Variants in EGFL8 observed in about 807,000 individuals in gnomAD.
The protein encoded by EGFL8 is EGF like domain multiple 8.
EGFL8 carries 32 observed loss-of-function variants against 39.4 expected under a neutral mutation model. The ratio of observed to expected loss-of-function variants is 0.81; its 90% CI spans 0.61 to 1.09. The LOEUF is 1.09. Ranked by LOEUF, EGFL8 falls within the 50% of genes least tolerant of loss-of-function variation. The probability of loss-of-function intolerance (pLI) is 0.00; values close to 1 mark genes in which losing one functional copy is unlikely to be tolerated. For synonymous variants in EGFL8, 177 were observed against 168.5 expected (o/e 1.05, Z -0.39); for missense variants, 385 against 402.2 (o/e 0.96, Z 0.37).
rs1356697165 is a variant in EGFL8 at position 32,167,281 on chromosome 6, ACCCGAGGGACTCG to A, written c.601+25_601+37del. The A allele has an allele frequency of 1.4e-6, 2 of 1,430,808 alleles. No homozygotes were observed. The highest frequency in any genetic ancestry group is 1.7e-5 in the African/African-American group (1 of 60,550). The allele number at this position is 1,430,808 out of a possible 1,614,324, so 88.6% of individuals were successfully genotyped here. A position where few individuals can be genotyped will look rare whatever the true frequency, so the allele number is the denominator to read the frequency against. On this transcript the variant is annotated intron_variant, in intron 6 of 8. Coordinates refer to ENST00000333845, the MANE Select transcript of EGFL8 (RefSeq NM_030652.4). The surrounding 1 kb of genome is among the most constrained non-coding windows in gnomAD (Gnocchi z 6.4). ...CGGTGAGTGGGCAGGAGTACGGGCC[ACCCGAGGGACTCG>A]GGACGGGCGTCCGGGCTCGGGTAGT... is the stretch of plus-strand genomic sequence containing the variant.
In EGFL8 at chr6:32,166,494, G is replaced by A. The variant is rs567711648; in HGVS notation, c.102-4G>A. 5.0e-6 allele frequency: 8 copies of A among 1,613,466 alleles called. No homozygotes were observed. Among genetic ancestry groups the A allele is most frequent in the East Asian group, 4.5e-5 (2 of 44,880 alleles). On this transcript the variant is annotated splice_polypyrimidine_tract_variant and splice_region_variant and intron_variant, in intron 2 of 8. Coordinates refer to ENST00000333845, the MANE Select transcript of EGFL8 (RefSeq NM_030652.4). This position sits in a 1 kb window ranked among gnomAD's most constrained non-coding sequence, Gnocchi z 7.3. Reference sequence around the variant, plus strand: ...TCCCACCTCATCCTCTGGCATGGACGCAGTCAGGGAGTCTGCTCCAAGCAG... The same window carrying A: ...TCCCACCTCATCCTCTGGCATGGACACAGTCAGGGAGTCTGCTCCAAGCAG...
rs1784584779 is a variant in EGFL8, at chr6:32,167,178, A to G, written c.522A>G (p.Leu174=). Residue 174 remains leucine, a synonymous_variant, in exon 6 of 9, where the codon CTA becomes CTG. Transcript: ENST00000333845. This position sits in a 1 kb window ranked among gnomAD's most constrained non-coding sequence, Gnocchi z 6.4. ...GSFTCGCPHD[L]VLGVDGRTCM... ...TCACCTGCGGCTGCCCCCATGACCT[A>G]GTGCTAGGCGTGGACGGGCGCACCT... 1 of 1,612,868 alleles carries G rather than the reference A, an allele frequency of 6.2e-7. No individual in the cohort carries two copies. Among genetic ancestry groups the G allele is most frequent in the Non-Finnish European group, 8.5e-7 (1 of 1,180,042 alleles).
At position 32,167,201 on chromosome 6, in the gene EGFL8, C is replaced by T. The variant is rs1300197362; in HGVS notation, c.545C>T (p.Thr182Ile). The T allele has an allele frequency of 1.2e-6, 2 of 1,612,984 alleles. No homozygotes were observed. The highest frequency in any genetic ancestry group is 1.7e-6 in the Non-Finnish European group (2 of 1,180,000). The change falls in exon 6 of 9, where the codon ACC becomes ATC. Residue 182 changes from threonine (T) to isoleucine (I), a missense_variant. Physicochemically the swap from Thr to Ile is moderately conservative, Grantham distance 89 (BLOSUM62 -1). Coordinates refer to ENST00000333845, the MANE Select transcript of EGFL8 (RefSeq NM_030652.4). This position sits in a 1 kb window ranked among gnomAD's most constrained non-coding sequence, Gnocchi z 6.4. ...CTAGTGCTAGGCGTGGACGGGCGCA[C>T]CTGCATGGAGGGGTCCCCAGAGCCC... Reference protein sequence around the residue: ...HDLVLGVDGRTCMEGSPEPPT... With the variant: ...HDLVLGVDGRICMEGSPEPPT...
Position 32,167,577 on chromosome 6 carries a change from G to A in EGFL8, c.756G>A (p.Val252=). ...VPPEELQPEQ[V]AELWGRGDRI... is the part of the protein sequence containing the mutation. ...CTGAAGAGCTGCAGCCAGAACAGGT[G>A]GCTGAGCTGTGGGGCCGGGGTGACC... Residue 252 remains valine, a synonymous_variant, in exon 8 of 9, where the codon GTG becomes GTA. Coordinates refer to ENST00000333845, the MANE Select transcript of EGFL8 (RefSeq NM_030652.4). This position sits in a 1 kb window ranked among gnomAD's most constrained non-coding sequence, Gnocchi z 6.4. The A allele has an allele frequency of 6.2e-7, 1 of 1,610,832 alleles. No homozygotes were observed. The highest frequency in any genetic ancestry group is 8.5e-7 in the Non-Finnish European group (1 of 1,179,958).
chr6:32,166,146 G>C lies in EGFL8; in HGVS notation c.-20G>C. ...CCTTTTCTTGCCTGCAGCCTGTAGG[G>C]TCCAGCGTCAAAGCGAATCATGGGG... On this transcript the variant is annotated 5_prime_UTR_variant, in exon 2 of 9. Coordinates refer to ENST00000333845, the MANE Select transcript of EGFL8 (RefSeq NM_030652.4). The surrounding 1 kb of genome is among the most constrained non-coding windows in gnomAD (Gnocchi z 7.3). 1.2e-6 allele frequency: 2 copies of C among 1,613,588 alleles called. No homozygotes were observed. The highest frequency in any genetic ancestry group is 1.7e-6 in the Non-Finnish European group (2 of 1,179,546).
At chr6:32,165,229 T>C (rs1418334975) in intron 1 of EGFL8, 1 of 147,798 alleles carries the variant, frequency 6.8e-6, no homozygotes, top group Non-Finnish European at 1.5e-5. Flanking sequence ...GTTTTGAAGG[T>C]ATGAAGTTAT....
Position 32,167,049 on chromosome 6 carries a change from G to A in EGFL8, c.431-38G>A, listed in dbSNP as rs376719026. On this transcript the variant is annotated intron_variant, in intron 5 of 8. Transcript: ENST00000333845. The surrounding 1 kb of genome is among the most constrained non-coding windows in gnomAD (Gnocchi z 6.4). The stretch of plus-strand genomic sequence containing the variant: ...CCCACCTACCCAGGTGCTTGCCCCC[G>A]CCCCCTCTCTCAGCCCCTTCCTTTT... 12 of 1,612,500 alleles carry A rather than the reference G, an allele frequency of 7.4e-6. No homozygotes were observed. The highest frequency in any genetic ancestry group is 1.6e-4 in the Middle Eastern group (1 of 6,082).
Position 32,167,138 on chromosome 6 carries a change from A to AT in EGFL8, c.483dup (p.Thr162TyrfsTer12). On this transcript the variant is annotated frameshift_variant, in exon 6 of 9. Transcript: ENST00000333845. LOFTEE classifies it high-confidence loss of function. This position sits in a 1 kb window ranked among gnomAD's most constrained non-coding sequence, Gnocchi z 6.4. Reference sequence around the variant, plus strand: ...ACCCTCTGCTCGCACCATTGTTTTAATACGGCAGGCAGCTTCACCTGCGGC... The same window carrying AT: ...ACCCTCTGCTCGCACCATTGTTTTAATTACGGCAGGCAGCTTCACCTGCGGC... The AT allele has an allele frequency of 6.2e-7, 1 of 1,613,062 alleles. No individual in the cohort carries two copies. The highest frequency in any genetic ancestry group is 1.3e-5 in the African/African-American group (1 of 75,048).
At position 32,166,657 on chromosome 6, in the gene EGFL8, C is replaced by T. The variant is rs1260951391; in HGVS notation, c.224+37C>T. 2 of 1,614,054 alleles carry T rather than the reference C, an allele frequency of 1.2e-6. No homozygotes were observed. The highest frequency in any genetic ancestry group is 1.7e-6 in the Non-Finnish European group (2 of 1,180,008). On this transcript the variant is annotated intron_variant, in intron 3 of 8. Transcript: ENST00000333845. This position sits in a 1 kb window ranked among gnomAD's most constrained non-coding sequence, Gnocchi z 7.3. ...GGAGATGGGACCCCAAGAACCCCAACTAGGACCCGTACTCAGGGTCCTGAG... is the reference window on the plus strand; with the variant it reads ...GGAGATGGGACCCCAAGAACCCCAATTAGGACCCGTACTCAGGGTCCTGAG...
chr6:32,166,366 ATGGGGGT>A lies in EGFL8; in HGVS notation c.101+101_101+107del, dbSNP rs72289190. ...GGCAAAACATAACTGTAAGTTTAGA[ATGGGGGT>A]GAGAGGCTGTCATCTGGAGGGAGAG... is the stretch of plus-strand genomic sequence containing the variant. On this transcript the variant is annotated intron_variant, in intron 2 of 8. Transcript: ENST00000333845. The surrounding 1 kb of genome is among the most constrained non-coding windows in gnomAD (Gnocchi z 7.3). 7.0e-3 allele frequency: 11,047 copies of A among 1,578,202 alleles called. 130 individuals are homozygous for A. Among genetic ancestry groups the A allele is most frequent in the East Asian group, 0.037 (1,638 of 44,524 alleles).
At position 32,167,977 on chromosome 6, in the gene EGFL8, G is replaced by A. The variant is rs1784697616; in HGVS notation, c.*21G>A. The stretch of plus-strand genomic sequence containing the variant: ...GATAAGAAGCCTCTACAGCACCCCT[G>A]CCCCCTAATTTATACAGAAACCGGA... On this transcript the variant is annotated 3_prime_UTR_variant, in exon 9 of 9. Transcript: ENST00000333845. This position sits in a 1 kb window ranked among gnomAD's most constrained non-coding sequence, Gnocchi z 6.4. 1.9e-6 allele frequency: 3 copies of A among 1,613,744 alleles called. No individual in the cohort carries two copies. Among genetic ancestry groups the A allele is most frequent in the Non-Finnish European group, 2.5e-6 (3 of 1,179,678 alleles).
rs41268924 is a variant in EGFL8, at chr6:32,167,360, G to A, written c.612G>A (p.Ala204=). 66,347 of 1,613,012 alleles carry A rather than the reference G, an allele frequency of 0.041. 1,833 individuals are homozygous for A. The highest frequency in any genetic ancestry group is 0.052 in the Non-Finnish European group (61,352 of 1,179,972). The change falls in exon 7 of 9, where the codon GCG becomes GCA. Residue 204 remains alanine, a synonymous_variant. Coordinates refer to ENST00000333845, the MANE Select transcript of EGFL8 (RefSeq NM_030652.4). The surrounding 1 kb of genome is among the most constrained non-coding windows in gnomAD (Gnocchi z 6.4). ...ASILSVAVRE[A]EKDERALKQE... ...CTCCTTTGTCCCTAGTTCGGGAGGC[G>A]GAAAAAGATGAGCGCGCTCTGAAGC...
rs1227656313 is a variant in EGFL8, at chr6:32,168,248, AT to A, written c.*293del. ...CTTTATTTTCAGTTTTTTTGCTGTT[AT>A]CCAGATAATTAATAAAAACCAACCA... On this transcript the variant is annotated 3_prime_UTR_variant, in exon 9 of 9. Coordinates refer to ENST00000333845, the MANE Select transcript of EGFL8 (RefSeq NM_030652.4). This position sits in a 1 kb window ranked among gnomAD's most constrained non-coding sequence, Gnocchi z 4.5. 2.3e-6 allele frequency: 1 copy of A among 434,486 alleles called. No individual in the cohort carries two copies. Among genetic ancestry groups the A allele is most frequent in the East Asian group, 3.6e-5 (1 of 28,144 alleles). The allele number at this position is 434,486 out of a possible 1,614,324, so 26.9% of individuals were successfully genotyped here.
rs1784609973 is a variant in EGFL8, at chr6:32,167,329, CTT to C, written c.602-20_602-19del. 10 of 1,612,990 alleles carry C rather than the reference CTT, an allele frequency of 6.2e-6. No individual in the cohort carries two copies. In the African/African-American group the frequency reaches 1.2e-4, roughly 19 times the overall value. ...TCCGGGCTCGGGTAGTGGTCACACTCTTGGTCTCCTTTGTCCCTAGTTCGGGA... is the reference window on the plus strand; with the variant it reads ...TCCGGGCTCGGGTAGTGGTCACACTCGGTCTCCTTTGTCCCTAGTTCGGGA... On this transcript the variant is annotated intron_variant, in intron 6 of 8. Coordinates refer to ENST00000333845, the MANE Select transcript of EGFL8 (RefSeq NM_030652.4). This position sits in a 1 kb window ranked among gnomAD's most constrained non-coding sequence, Gnocchi z 6.4.
chr6:32,165,810 C>A, intron 1 of EGFL8: 1 of 392,226 alleles, frequency 2.5e-6, no homozygotes. Flanking sequence ...AAAAAAAACC[C>A]AAAAAAAGAC....
Position 32,166,336 on chromosome 6 carries a change from C to T in EGFL8, c.101+70C>T, listed in dbSNP as rs749713100. ...GCCTTCTGCTGGGGGTGGGGCTTCA[C>T]AGGAGGCAAAACATAACTGTAAGTT... On this transcript the variant is annotated intron_variant, in intron 2 of 8. Coordinates refer to ENST00000333845, the MANE Select transcript of EGFL8 (RefSeq NM_030652.4). The surrounding 1 kb of genome is among the most constrained non-coding windows in gnomAD (Gnocchi z 7.3). The T allele has an allele frequency of 4.6e-5, 73 of 1,596,562 alleles. 1 individual carries two copies. The Middle Eastern group carries it at 7.1e-4, about 15-fold the overall frequency.
In EGFL8 at chr6:32,166,440, G is replaced by A. The variant is rs764363570; in HGVS notation, c.102-58G>A. 6.8e-6 allele frequency: 11 copies of A among 1,611,604 alleles called. No homozygotes were observed. The highest frequency in any genetic ancestry group is 9.3e-6 in the Non-Finnish European group (11 of 1,178,884). On this transcript the variant is annotated intron_variant, in intron 2 of 8. Coordinates refer to ENST00000333845, the MANE Select transcript of EGFL8 (RefSeq NM_030652.4). This position sits in a 1 kb window ranked among gnomAD's most constrained non-coding sequence, Gnocchi z 7.3. ...CCTCTTGAGGGAAGTGGGACTCCTG[G>A]CTCCCCAGGGCCTGGCCTACTCAAT...
chr6:32,165,078 A>C (rs1050879902), intron 1 of EGFL8, among the ~76,000 whole-genome samples: 2 of 151,494 alleles, frequency 1.3e-5, no homozygotes, highest in East Asian at 4.0e-4. Context: ...CGCCTGGCTA[A>C]TTTTTTGTAT....
rs1223282943 is a variant in EGFL8, at chr6:32,167,149, A to G, written c.493A>G (p.Ser165Gly). ...CSHHCFNTAG[S>G]FTCGCPHDLV... ...GCACCATTGTTTTAATACGGCAGGC[A>G]GCTTCACCTGCGGCTGCCCCCATGA... The change falls in exon 6 of 9, where the codon AGC becomes GGC. Residue 165 changes from serine to glycine, a missense_variant. Transcript: ENST00000333845. The surrounding 1 kb of genome is among the most constrained non-coding windows in gnomAD (Gnocchi z 6.4). The G allele has an allele frequency of 1.2e-6, 2 of 1,612,936 alleles. No homozygotes were observed. The highest frequency in any genetic ancestry group is 1.7e-6 in the Non-Finnish European group (2 of 1,180,038).
Sources: gnomAD v4.1 joint callset for allele counts (sites outside exome capture counted in the v4.1 genomes callset) on GRCh38, gnomAD v4.1.1 for gene constraint, Gnocchi (gnomAD v3.1) non-coding constraint, MANE v1.5 for transcripts, NCBI Gene and HGNC (gene_info 2026-07-23, HGNC 2026-07-21) for gene names.